PI15: variants seen among roughly 807,000 people sequenced by gnomAD.
PI15 encodes the protein peptidase inhibitor 15.
Under a neutral mutation model 31.0 loss-of-function variants are expected in PI15, and 18 were observed. The ratio of observed to expected loss-of-function variants is 0.58; its 90% CI spans 0.40 to 0.86. The LOEUF (loss-of-function observed/expected upper bound fraction) is 0.86, where lower values mean the gene tolerates loss of function less well. Ranked by LOEUF, PI15 falls within the 40% of genes least tolerant of loss-of-function variation. The pLI is 0.00. For missense variants in PI15, 282 were observed against 328.1 expected, an observed-to-expected ratio of 0.86 and a Z score of 1.09; for synonymous variants, 118 against 119.1, an observed-to-expected ratio of 0.99 and a Z score of 0.06.
intron 5 of PI15, among the ~76,000 whole-genome samples, chr8:74,847,474 A>G (rs1019698242): frequency 3.3e-5 from 5 of 151,898 alleles, no homozygotes; most frequent in African/African-American, 1.2e-4. Context: ...ATAGAGGGAA[A>G]TAAGATTATG....
chr8:74,837,892 G>A (rs1188530140), intron 2 of PI15, among the ~76,000 whole-genome samples: 1 of 151,876 alleles, frequency 6.6e-6, no homozygotes, highest in Admixed American at 6.6e-5. Flanking sequence ...ATTTGAAAAT[G>A]GTTTCCATGT....
chr8:74,825,025 C>T (rs921954463), intron 1 of PI15, 185 bp from the exon 2 acceptor site: 3 of 600,926 alleles, frequency 5.0e-6, no homozygotes, highest in Non-Finnish European at 8.9e-6. Context: ...AGGGGTCTGC[C>T]TCATGACACT....
intron 5 of PI15, among the ~76,000 whole-genome samples, chr8:74,847,915 C>A (rs1485838857): frequency 6.6e-6 from 1 of 152,062 alleles, no homozygotes; most frequent in Admixed American, 6.6e-5. Context: ...CAAATTTTCT[C>A]CCGACCATTT....
At chr8:74,844,356 T>G (rs1285674169) in intron 3 of PI15, among the ~76,000 whole-genome samples, 2 of 151,894 alleles carry the variant, frequency 1.3e-5, no homozygotes, top group African/African-American at 4.8e-5. Flanking sequence ...CGCAGAATCT[T>G]AGAAAGGGTC....
At chr8:74,835,812 T>A (rs138581211) in intron 2 of PI15, among the ~76,000 whole-genome samples, 1 of 152,338 alleles carries the variant, frequency 6.6e-6, no homozygotes, top group Non-Finnish European at 1.5e-5. Flanking sequence ...CTGGAAATTT[T>A]ATTCCTTGAC....
chr8:74,836,602 G>A (rs34668307), intron 2 of PI15, among the ~76,000 whole-genome samples: 65,541 of 151,844 alleles, frequency 0.43, 14,984 homozygotes, highest in African/African-American at 0.56. Flanking sequence ...GGAACTTTCC[G>A]GCACACAGAA....
chr8:74,847,759 A>G (rs553084919), intron 5 of PI15, among the ~76,000 whole-genome samples: 132 of 152,266 alleles, frequency 8.7e-4, no homozygotes, highest in African/African-American at 3.1e-3. Context: ...GTTGATCAAG[A>G]TATTTTCATA....
At chr8:74,844,525 TA>T (rs1810995622) in intron 3 of PI15, among the ~76,000 whole-genome samples, 1 of 151,826 alleles carries the variant, frequency 6.6e-6, no homozygotes, top group African/African-American at 2.4e-5. Context: ...TACATAAACA[TA>T]TACAATAAAA....
chr8:74,852,739 A>T lies in PI15; in HGVS notation c.*3486A>T, dbSNP rs1811125517. On this transcript the variant is annotated 3_prime_UTR_variant, in exon 6 of 6. Coordinates refer to ENST00000260113, the MANE Select transcript of PI15 (RefSeq NM_015886.5). ...ATTAAATCTAATACATATTTAAGCC[A>T]GTTTAAGTGCTTTGTGTTGATGCCA... 6.6e-6 allele frequency: 1 copy of T among 152,144 alleles called. No individual in the cohort carries two copies. Among genetic ancestry groups the T allele is most frequent in the Admixed American group, 6.5e-5 (1 of 15,278 alleles). 9.4% of individuals were successfully genotyped at this position (152,144 alleles called of 1,614,324 possible).
intron 5 of PI15, among the ~76,000 whole-genome samples, chr8:74,848,015 C>T (rs1317439271): frequency 6.6e-6 from 1 of 152,100 alleles, no homozygotes; most frequent in Non-Finnish European, 1.5e-5. Flanking sequence ...ATTAATTTCT[C>T]CTTTATAATT....
chr8:74,843,736 C>T (rs1198538105), intron 2 of PI15, among the ~76,000 whole-genome samples: 3 of 151,908 alleles, frequency 2.0e-5, no homozygotes, highest in African/African-American at 2.4e-5. Context: ...TGGTGATGTG[C>T]GCCTGTAATC....
At chr8:74,843,411 C>A (rs1810972613) in intron 2 of PI15, among the ~76,000 whole-genome samples, 1 of 152,156 alleles carries the variant, frequency 6.6e-6, no homozygotes, top group Non-Finnish European at 1.5e-5. Flanking sequence ...TTAGTTATAG[C>A]AGTCTCAGGA....
chr8:74,833,123 C>T (rs889435510), intron 2 of PI15, among the ~76,000 whole-genome samples: 3 of 152,128 alleles, frequency 2.0e-5, no homozygotes, highest in South Asian at 4.1e-4. Flanking sequence ...GAGAGTTCAA[C>T]AATCTAAAAA....
chr8:74,837,530 A>G (rs1055297365), intron 2 of PI15, among the ~76,000 whole-genome samples: 3 of 152,210 alleles, frequency 2.0e-5, no homozygotes, highest in Non-Finnish European at 2.9e-5. Context: ...AATCATGCCT[A>G]TGAAGTGTTT....
rs1811134203 is a variant in PI15 at position 74,853,404 on chromosome 8, A to G, written c.*4151A>G. On this transcript the variant is annotated 3_prime_UTR_variant, in exon 6 of 6. Coordinates refer to ENST00000260113, the MANE Select transcript of PI15 (RefSeq NM_015886.5). ...TGTTAAATTAATCTTTACCAAAAACAGGCAAGTTAACTCTGTTGTTTTAAT... is the reference window on the plus strand; with the variant it reads ...TGTTAAATTAATCTTTACCAAAAACGGGCAAGTTAACTCTGTTGTTTTAAT... The G allele has an allele frequency of 6.6e-6, 1 of 152,586 alleles. No homozygotes were observed. Among genetic ancestry groups the G allele is most frequent in the Admixed American group, 6.5e-5 (1 of 15,268 alleles). The allele number at this position is 152,586 out of a possible 1,614,324, so 9.5% of individuals were successfully genotyped here.
chr8:74,833,772 G>A (rs1810821860), intron 2 of PI15, among the ~76,000 whole-genome samples: 1 of 152,116 alleles, frequency 6.6e-6, no homozygotes, highest in Non-Finnish European at 1.5e-5. Flanking sequence ...ACTTCCCCAA[G>A]GTCATAGAGC....
intron 2 of PI15, among the ~76,000 whole-genome samples, chr8:74,839,049 C>A (rs1232826701): frequency 6.6e-6 from 1 of 152,230 alleles, no homozygotes; most frequent in Non-Finnish European, 1.5e-5. Context: ...ATTTTTTACT[C>A]AATTTTGTAT....
At chr8:74,841,448 T>A (rs569643349) in intron 2 of PI15, among the ~76,000 whole-genome samples, 1 of 152,242 alleles carries the variant, frequency 6.6e-6, no homozygotes, top group Non-Finnish European at 1.5e-5. Context: ...CAGTCGCAGA[T>A]GACCTTAGCA....
chr8:74,835,250 C>T (rs920947738), intron 2 of PI15, among the ~76,000 whole-genome samples: 7 of 152,044 alleles, frequency 4.6e-5, no homozygotes, highest in Admixed American at 2.0e-4. Flanking sequence ...ACAATTCTCA[C>T]GTGTTACATT....
Sources: allele counts gnomAD v4.1 joint callset (sites outside exome capture counted in the v4.1 genomes callset), GRCh38; gene constraint gnomAD v4.1.1; transcripts MANE v1.5; gene names NCBI Gene and HGNC (gene_info 2026-07-23, HGNC 2026-07-21).